UNC13C: variants seen among roughly 807,000 people sequenced by gnomAD.
UNC13C encodes the protein protein unc-13 homolog C.
A neutral mutation model predicts 245.4 loss-of-function variants in UNC13C; 174 were observed. That is an observed-to-expected ratio of 0.71 (90% confidence interval 0.63 to 0.80). UNC13C has a LOEUF of 0.80. Among genes scored for constraint, UNC13C ranks in the 30% least tolerant of loss-of-function variants. The pLI is 0.00. For synonymous variants in UNC13C, 992 were observed against 895.1 expected (o/e 1.11, Z -1.93); for missense variants, 2,829 against 2,602.9 (o/e 1.09, Z -1.89).
intron 30 of UNC13C, among the ~76,000 whole-genome samples, chr15:54,594,466 T>G (rs1327795759): frequency 6.6e-6 from 1 of 151,998 alleles, no homozygotes; most frequent in Non-Finnish European, 1.5e-5. Context: ...GCTAGGTGTG[T>G]CTGAGCTCAA....
chr15:54,093,418 T>C (rs1017053714), intron 2 of UNC13C, among the ~76,000 whole-genome samples: 3 of 152,244 alleles, frequency 2.0e-5, no homozygotes, highest in Non-Finnish European at 4.4e-5. Flanking sequence ...CCTTAAATTG[T>C]CCTTTGCTTT....
intron 2 of UNC13C, among the ~76,000 whole-genome samples, chr15:54,103,815 G>T (rs1185884457): frequency 1.3e-5 from 2 of 152,098 alleles, no homozygotes; most frequent in Non-Finnish European, 2.9e-5. Context: ...CGCCATCTTG[G>T]CTCACTGCAA....
intron 28 of UNC13C, among the ~76,000 whole-genome samples, chr15:54,552,530 A>ATATATTAT (rs1390998954): frequency 3.9e-5 from 1 of 25,972 alleles, no homozygotes; most frequent in Non-Finnish European, 5.8e-5. Context: ...TATATATAAT[A>ATATATTAT]ATATAATTAT....
chr15:53,916,213 C>G, the UNC13C span, among the ~76,000 whole-genome samples: 1 of 152,146 alleles, frequency 6.6e-6, no homozygotes, highest in Non-Finnish European at 1.5e-5. Context: ...TATACCTAAA[C>G]TTGAAAGGCA....
chr15:53,874,321 T>C, the UNC13C span, among the ~76,000 whole-genome samples: 1 of 152,198 alleles, frequency 6.6e-6, no homozygotes, highest in African/African-American at 2.4e-5. Flanking sequence ...ATGTGCATAA[T>C]TAGTATTATT....
At chr15:53,900,650 G>A in the UNC13C span, among the ~76,000 whole-genome samples, 1 of 152,092 alleles carries the variant, frequency 6.6e-6, no homozygotes, top group South Asian at 2.1e-4. Flanking sequence ...GAGGCCCAGT[G>A]TTCATCAAAC....
intron 10 of UNC13C, among the ~76,000 whole-genome samples, chr15:54,282,969 T>C (rs778752730): frequency 3.3e-5 from 5 of 151,904 alleles, no homozygotes; most frequent in African/African-American, 4.8e-5. Context: ...TTTGTGAGTA[T>C]GCAAAAAAGG....
chr15:53,934,091 G>A, the UNC13C span, among the ~76,000 whole-genome samples: 86 of 152,336 alleles, frequency 5.6e-4, no homozygotes, highest in East Asian at 0.016. Context: ...CATTGCAAGA[G>A]CAAGAGAGAG....
chr15:54,081,336 T>C (rs1229173037), intron 2 of UNC13C, among the ~76,000 whole-genome samples: 2 of 152,074 alleles, frequency 1.3e-5, no homozygotes, highest in African/African-American at 2.4e-5. Flanking sequence ...AAGTCCTGAG[T>C]TACTTTATTA....
At chr15:54,193,342 G>A (rs1359118582) in intron 4 of UNC13C, among the ~76,000 whole-genome samples, 1 of 152,136 alleles carries the variant, frequency 6.6e-6, no homozygotes, top group African/African-American at 2.4e-5. Flanking sequence ...AAGCTTGAGT[G>A]TATACACAAC....
At chr15:54,455,237 ATGTTTTT>A (rs1567289267) in intron 19 of UNC13C, among the ~76,000 whole-genome samples, 1 of 89,742 alleles carries the variant, frequency 1.1e-5, no homozygotes, top group East Asian at 3.6e-4. Flanking sequence ...ATATATATAT[ATGTTTTT>A]TAATCCACTC....
rs375622737 is a variant in UNC13C, at chr15:54,169,015, G to C, written c.3071+25331G>C. ...ACCTAATGTTAACTCAGTTGGACAAGTGTAATAGATCCCTGCTGATAAAGT... is the reference window on the plus strand; with the variant it reads ...ACCTAATGTTAACTCAGTTGGACAACTGTAATAGATCCCTGCTGATAAAGT... On this transcript the variant is annotated intron_variant, in intron 4 of 32. Coordinates refer to ENST00000260323, the MANE Select transcript of UNC13C (RefSeq NM_001080534.3). 1.3e-4 allele frequency among the ~76,000 whole-genome samples: 20 copies of C among 152,328 alleles called. 4 individuals are homozygous for C. The highest frequency in any genetic ancestry group is 4.8e-4 in the African/African-American group (20 of 41,566).
At chr15:54,543,043 G>T (rs1273446598) in intron 26 of UNC13C, among the ~76,000 whole-genome samples, 3 of 152,114 alleles carry the variant, frequency 2.0e-5, no homozygotes, top group Non-Finnish European at 2.9e-5. Flanking sequence ...CTGTCGCTAT[G>T]ATGCTACCTG....
chr15:54,255,229 C>T (rs2036250157), intron 8 of UNC13C, among the ~76,000 whole-genome samples: 2 of 152,162 alleles, frequency 1.3e-5, no homozygotes, highest in African/African-American at 2.4e-5. Flanking sequence ...GGACAGAGGG[C>T]TTTCTGTATC....
intron 19 of UNC13C, among the ~76,000 whole-genome samples, chr15:54,471,291 A>T (rs901795193): frequency 2.2e-4 from 33 of 151,504 alleles, no homozygotes; most frequent in African/African-American, 7.0e-4. Context: ...TGAAAGTAGG[A>T]TACTGAAATT....
At chr15:54,173,291 C>G (rs532008970) in intron 4 of UNC13C, among the ~76,000 whole-genome samples, 1 of 152,000 alleles carries the variant, frequency 6.6e-6, no homozygotes, top group East Asian at 1.9e-4. Context: ...TGCATTAAAC[C>G]TGTTGATTAA....
At chr15:54,416,280 G>A (rs576346821) in intron 19 of UNC13C, among the ~76,000 whole-genome samples, 14 of 152,070 alleles carry the variant, frequency 9.2e-5, no homozygotes, top group Non-Finnish European at 1.0e-4. Flanking sequence ...TATAGCGTTC[G>A]TGTTTATCAT....
chr15:54,279,243 A>C (rs7169339), intron 10 of UNC13C, among the ~76,000 whole-genome samples: 6 of 151,968 alleles, frequency 3.9e-5, no homozygotes, highest in Admixed American at 1.3e-4. Context: ...AGGACTGAGG[A>C]ATAACCAACA....
chr15:54,174,742 T>C (rs796422645), intron 4 of UNC13C, among the ~76,000 whole-genome samples: 2 of 152,218 alleles, frequency 1.3e-5, no homozygotes, highest in South Asian at 4.1e-4. Flanking sequence ...AGTTATTTCC[T>C]CTAAAGTAAC....
Sources: gnomAD v4.1 joint callset for allele counts (sites outside exome capture counted in the v4.1 genomes callset) on GRCh38, gnomAD v4.1.1 for gene constraint, MANE v1.5 for transcripts, NCBI Gene and HGNC (gene_info 2026-07-23, HGNC 2026-07-21) for gene names.